The following MFAP2 variants were observed in gnomAD, a reference collection of about 807,000 sequenced individuals.
The protein encoded by MFAP2 is microfibril associated protein 2, also known as microfibrillar-associated protein 2.
In MFAP2, 23 loss-of-function variants were observed where a neutral mutation model predicts 30.6. That is an observed-to-expected ratio of 0.75 (90% CI 0.54 to 1.07). MFAP2 has a LOEUF of 1.07. Ranked by LOEUF, MFAP2 falls within the 50% of genes least tolerant of loss-of-function variation. The pLI is 0.00. For missense variants in MFAP2, 198 were observed against 223.8 expected (o/e 0.88, Z 0.74); for synonymous variants, 73 against 85.7 (o/e 0.85, Z 0.82).
chr1:16,977,573 C>T, intron 2 of MFAP2: 1 of 226,278 alleles, frequency 4.4e-6, no homozygotes, highest in Non-Finnish European at 8.7e-6. Context: ...CTCCAGCCCA[C>T]CAGCCCTCCT....
intron 1 of MFAP2, among the ~76,000 whole-genome samples, chr1:16,979,925 G>A (rs1227601677): frequency 6.6e-6 from 1 of 152,176 alleles, no homozygotes; most frequent in Admixed American, 6.5e-5. Flanking sequence ...TAGACGAAGG[G>A]GTTTTGGGGC....
At position 16,976,411 on chromosome 1, in the gene MFAP2, C is replaced by G; in HGVS notation, c.286+90G>C. The G allele has an allele frequency of 6.5e-7, 1 of 1,546,790 alleles. No individual in the cohort carries two copies. The highest frequency in any genetic ancestry group is 8.9e-7 in the Non-Finnish European group (1 of 1,119,408). ...GCCAAGAGCCCACATGGGCAAGGGC[C>G]AAAGACCTCCAGCCCACCAGCACCA... On this transcript the variant is annotated intron_variant, in intron 6 of 8. Coordinates refer to ENST00000375535, the MANE Select transcript of MFAP2 (RefSeq NM_002403.4). This position sits in a 1 kb window ranked among gnomAD's most constrained non-coding sequence, Gnocchi z 5.5.
chr1:16,979,568 A>G (rs2076620218), intron 1 of MFAP2, among the ~76,000 whole-genome samples: 1 of 152,204 alleles, frequency 6.6e-6, no homozygotes, highest in Admixed American at 6.5e-5. Context: ...GCTGCCCCAG[A>G]GGCGAGGGAT....
intron 1 of MFAP2, among the ~76,000 whole-genome samples, chr1:16,979,435 G>A (rs1017866991): frequency 2.0e-5 from 3 of 152,176 alleles, no homozygotes; most frequent in Non-Finnish European, 4.4e-5. Flanking sequence ...GGAAAGGGGA[G>A]AAAGCAGGAG....
At position 16,975,286 on chromosome 1, in the gene MFAP2, TG is replaced by T. The variant is rs745615878; in HGVS notation, c.430del (p.His144MetfsTer19). 6.2e-7 allele frequency: 1 copy of T among 1,613,880 alleles called. No homozygotes were observed. Among genetic ancestry groups the T allele is most frequent in the Non-Finnish European group, 8.5e-7 (1 of 1,179,856 alleles). On this transcript the variant is annotated frameshift_variant, in exon 8 of 9. Transcript: ENST00000375535. LOFTEE classifies it high-confidence loss of function. This position sits in a 1 kb window ranked among gnomAD's most constrained non-coding sequence, Gnocchi z 5.0. ...KEICVRTVCA[H>X]EELLRADLCR... The stretch of plus-strand genomic sequence containing the variant: ...CTTCCTACCTCGGAGGAGCTCCTCA[TG>T]GGCACACACTGTACGAACACAGATC...
intron 3 of MFAP2, 35 bp downstream of exon 3, chr1:16,977,074 G>A: frequency 1.9e-6 from 3 of 1,612,982 alleles, no homozygotes; most frequent in African/African-American, 1.3e-5. Context: ...GCACATCTGA[G>A]CAGCCAGGCC....
Sources: gnomAD v4.1 joint callset for allele counts (sites outside exome capture counted in the v4.1 genomes callset) on GRCh38, gnomAD v4.1.1 for gene constraint, Gnocchi (gnomAD v3.1) non-coding constraint, MANE v1.5 for transcripts, NCBI Gene and HGNC (gene_info 2026-07-23, HGNC 2026-07-21) for gene names.